Variants in ATP8B3 observed in about 807,000 individuals in gnomAD.
ATP8B3 encodes the protein phospholipid-transporting ATPase IK.
Under a neutral mutation model 140.9 loss-of-function variants are expected in ATP8B3, and 141 were observed. The observed-to-expected ratio is 1.00, with a 90% confidence interval of 0.87 to 1.15. The LOEUF (loss-of-function observed/expected upper bound fraction) is 1.15. ATP8B3 is among the 50% of genes most tolerant of loss of function. ATP8B3 has a pLI of 0.00. For synonymous variants in ATP8B3, 765 were observed against 714.6 expected (o/e 1.07, Z -1.13); for missense variants, 1,874 against 1,740.6 (o/e 1.08, Z -1.36).
Position 1,811,656 on chromosome 19 carries a change from G to A in ATP8B3, c.81C>T (p.Asp27=). ...EPSPAPPGPG[D]TGDSDVTQEG... ...CCTGAGTCACGTCTGAGTCACCCGT[G>A]TCCCCAGGTCCTGGTGGGGCAGGGC... The change falls in exon 2 of 29, where the codon GAC becomes GAT. Residue 27 remains aspartate (D), a synonymous_variant. Coordinates refer to ENST00000310127, the MANE Select transcript of ATP8B3 (RefSeq NM_138813.4). 1 of 1,610,662 alleles carries A rather than the reference G, an allele frequency of 6.2e-7. No homozygotes were observed.
chr19:1,806,832 G>A lies in ATP8B3; in HGVS notation c.616-143C>T. 3.1e-6 allele frequency: 3 copies of A among 969,734 alleles called. No homozygotes were observed. The highest frequency in any genetic ancestry group is 3.1e-6 in the Non-Finnish European group (2 of 643,390). 60.1% of individuals were successfully genotyped at this position (969,734 alleles called of 1,614,324 possible). On this transcript the variant is annotated intron_variant, in intron 6 of 28. Transcript: ENST00000310127. This position sits in a 1 kb window ranked among gnomAD's most constrained non-coding sequence, Gnocchi z 5.6. ...CCCCACGCCACGTTGCGTCTGCTCA[G>A]GGATCCCGGACGTGGGGGCCACTGG...
chr19:1,810,018 G>A (rs1239136562), intron 3 of ATP8B3, among the ~76,000 whole-genome samples: 1 of 152,252 alleles, frequency 6.6e-6, no homozygotes, highest in South Asian at 2.1e-4. Context: ...AGACCGTTCA[G>A]GCCTGTACAT....
At position 1,787,091 on chromosome 19, in the gene ATP8B3, T is replaced by G. The variant is rs2068329439; in HGVS notation, c.3153+12A>C. On this transcript the variant is annotated intron_variant, in intron 25 of 28. Coordinates refer to ENST00000310127, the MANE Select transcript of ATP8B3 (RefSeq NM_138813.4). ...GAGACCTGGAAGGAAGACCCGGCCT[T>G]GCCCTGCTCACCTGCTCAAAGAGCC... is the stretch of plus-strand genomic sequence containing the variant. 6.3e-7 allele frequency: 1 copy of G among 1,586,224 alleles called. No individual in the cohort carries two copies. The highest frequency in any genetic ancestry group is 1.8e-5 in the Admixed American group (1 of 56,296).
intron 26 of ATP8B3, 27 bp from the exon 27 acceptor site, chr19:1,785,324 C>T (rs370375634): frequency 2.3e-5 from 36 of 1,561,950 alleles, no homozygotes; most frequent in Admixed American, 1.9e-4. Context: ...GGGGTAAATC[C>T]GGGGCCTAGC....
Position 1,783,168 on chromosome 19 carries a change from A to G in ATP8B3, c.3763T>C (p.Ser1255Pro). The G allele has an allele frequency of 6.2e-7, 1 of 1,613,594 alleles. No homozygotes were observed. The highest frequency in any genetic ancestry group is 8.5e-7 in the Non-Finnish European group (1 of 1,179,788). ...AGGTTTGCATATCCCTCACGGTGGG[A>G]GAAAGCATAGCTGGAACGGCGGGCA... ...SRARRSSYAFSHREGYANLIT... is the reference protein window; with the variant it reads ...SRARRSSYAFPHREGYANLIT... Residue 1255 changes from serine to proline, a missense_variant, in exon 29 of 29, where the codon TCC becomes CCC. This residue lies in a region of ATP8B3 where 840 missense variants were observed against 760.9 expected (regional missense o/e 1.10). Coordinates refer to ENST00000310127, the MANE Select transcript of ATP8B3 (RefSeq NM_138813.4).
chr19:1,783,341 T>C (rs2068214385), intron 28 of ATP8B3, 71 bp from the exon 29 acceptor site: 10 of 1,525,326 alleles, frequency 6.6e-6, no homozygotes, highest in Admixed American at 2.0e-5. Context: ...GTCCCCCAAG[T>C]AGGAGAGGCA....
intron 25 of ATP8B3, among the ~76,000 whole-genome samples, chr19:1,786,083 G>C (rs539483268): frequency 6.6e-6 from 1 of 152,178 alleles, no homozygotes; most frequent in Non-Finnish European, 1.5e-5. Flanking sequence ...AGTGAGCTGT[G>C]ATCGCACCAC....
chr19:1,782,310 TC>T lies in ATP8B3; in HGVS notation c.*717del. Reference sequence around the variant, plus strand: ...ATGCTACGTCACTGCTGAACCCTGGTCCCCTCCGCAGAGGGCAATGACTGCT... The same window carrying T: ...ATGCTACGTCACTGCTGAACCCTGGTCCCTCCGCAGAGGGCAATGACTGCT... On this transcript the variant is annotated 3_prime_UTR_variant, in exon 29 of 29. Coordinates refer to ENST00000310127, the MANE Select transcript of ATP8B3 (RefSeq NM_138813.4). 1 of 349,816 alleles carries T rather than the reference TC, an allele frequency of 2.9e-6. No homozygotes were observed. Among genetic ancestry groups the T allele is most frequent in the Non-Finnish European group, 5.2e-6 (1 of 191,864 alleles). The allele number at this position is 349,816 out of a possible 1,614,324, so 21.7% of individuals were successfully genotyped here.
At chr19:1,792,253 TC>T in intron 18 of ATP8B3, 118 bp from the exon 19 acceptor site, 2 of 1,212,098 alleles carry the variant, frequency 1.7e-6, no homozygotes, top group Non-Finnish European at 2.2e-6. Context: ...GCCTGTTGCC[TC>T]CCCAGCCAAC....
In ATP8B3 at chr19:1,811,601, C is replaced by T. The variant is rs1235827494; in HGVS notation, c.136G>A (p.Gly46Ser). 1.2e-6 allele frequency: 2 copies of T among 1,612,330 alleles called. No individual in the cohort carries two copies. Among genetic ancestry groups the T allele is most frequent in the East Asian group, 2.2e-5 (1 of 44,880 alleles). ...EGSGPAGIRG[G>S]ETVIRAGMGD... ...ATCCCAGCTCTGATCACCGTCTCACCTCCGCGGATGCCAGCAGGACCTGAG... is the reference window on the plus strand; with the variant it reads ...ATCCCAGCTCTGATCACCGTCTCACTTCCGCGGATGCCAGCAGGACCTGAG... Residue 46 changes from glycine (G) to serine (S), a missense_variant, in exon 2 of 29, where the codon GGT (glycine) becomes AGT (serine). Coordinates refer to ENST00000310127, the MANE Select transcript of ATP8B3 (RefSeq NM_138813.4).
At chr19:1,810,824 C>T (rs1279400748) in intron 2 of ATP8B3, 141 bp from the exon 3 acceptor site, 14 of 744,158 alleles carry the variant, frequency 1.9e-5, no homozygotes, top group Non-Finnish European at 2.9e-5. Flanking sequence ...CCCCGCCAGG[C>T]TCTGAATGTC....
intron 25 of ATP8B3, among the ~76,000 whole-genome samples, chr19:1,786,857 G>A (rs1469507421): frequency 4.6e-5 from 7 of 151,938 alleles, no homozygotes; most frequent in African/African-American, 1.2e-4. Context: ...ACAGAGGCAC[G>A]GGGGCTCCAG....
intron 20 of ATP8B3, among the ~76,000 whole-genome samples, chr19:1,791,389 AT>A (rs34511191): frequency 0.47 from 64,139 of 135,084 alleles, 14,193 homozygotes; most frequent in East Asian, 0.67. Flanking sequence ...GAGTTGCAGC[AT>A]TTTTTTTTTT....
Position 1,810,699 on chromosome 19 carries a change from GC to G in ATP8B3, c.249-17del. 1 of 1,610,040 alleles carries G rather than the reference GC, an allele frequency of 6.2e-7. No individual in the cohort carries two copies. The highest frequency in any genetic ancestry group is 1.3e-5 in the African/African-American group (1 of 74,966). ...GCTGGTGGGGCTGTGGGAGAGAAGG[GC>G]CCCGGGTCACAGCAGTGACCCCAGC... On this transcript the variant is annotated splice_polypyrimidine_tract_variant and intron_variant, in intron 2 of 28. Transcript: ENST00000310127.
At chr19:1,786,382 A>C (rs1345560373) in intron 25 of ATP8B3, among the ~76,000 whole-genome samples, 1 of 152,054 alleles carries the variant, frequency 6.6e-6, no homozygotes, top group South Asian at 2.1e-4. Flanking sequence ...CCTGGCCAAC[A>C]TGGCGAAATC....
Position 1,796,722 on chromosome 19 carries a change from C to CG in ATP8B3, c.1741dup (p.Arg581ProfsTer2). 6.2e-7 allele frequency: 1 copy of CG among 1,610,426 alleles called. No homozygotes were observed. Among genetic ancestry groups the CG allele is most frequent in the African/African-American group, 1.3e-5 (1 of 75,028 alleles). On this transcript the variant is annotated frameshift_variant, in exon 16 of 29. Coordinates refer to ENST00000310127, the MANE Select transcript of ATP8B3 (RefSeq NM_138813.4). LOFTEE classifies it high-confidence loss of function. The stretch of plus-strand genomic sequence containing the variant: ...GTGGGTGGGCGCACCTGGGCGCTCA[C>CG]GGGGGCTCTCCCGCACCATCACCGT...
At position 1,806,008 on chromosome 19, in the gene ATP8B3, G is replaced by C. The variant is rs1038294943; in HGVS notation, c.751-50C>G. On this transcript the variant is annotated intron_variant, in intron 8 of 28. Transcript: ENST00000310127. This position sits in a 1 kb window ranked among gnomAD's most constrained non-coding sequence, Gnocchi z 5.6. The stretch of plus-strand genomic sequence containing the variant: ...TGCAAGAGGGGATGCAAGACAAATT[G>C]GGGGTGCGGCAGCCCTCCCCACCCT... 1 of 1,610,090 alleles carries C rather than the reference G, an allele frequency of 6.2e-7. No individual in the cohort carries two copies.
intron 28 of ATP8B3, among the ~76,000 whole-genome samples, chr19:1,783,968 G>A (rs1303785863): frequency 6.6e-6 from 1 of 152,130 alleles, no homozygotes; most frequent in Non-Finnish European, 1.5e-5. Flanking sequence ...TCAAAGTGCT[G>A]GGATTACAGG....
Position 1,800,017 on chromosome 19 carries a change from C to T in ATP8B3, c.1482G>A (p.Ser494=), listed in dbSNP as rs762455842. Residue 494 remains serine (S), a synonymous_variant, in exon 14 of 29, where the codon TCG becomes TCA. Coordinates refer to ENST00000310127, the MANE Select transcript of ATP8B3 (RefSeq NM_138813.4). The surrounding 1 kb of genome is among the most constrained non-coding windows in gnomAD (Gnocchi z 4.4). ...DHLGQVEYIF[S]DKTGTLTQNI... ...TCTGCGTGAGCGTGCCCGTCTTGTCCGAGAAGATGTATTCCACCTGGCCCA... is the reference window on the plus strand; with the variant it reads ...TCTGCGTGAGCGTGCCCGTCTTGTCTGAGAAGATGTATTCCACCTGGCCCA... 1.2e-5 allele frequency: 19 copies of T among 1,606,046 alleles called. No homozygotes were observed. Among genetic ancestry groups the T allele is most frequent in the East Asian group, 6.7e-5 (3 of 44,684 alleles).
Sources: gnomAD v4.1 joint callset for allele counts (sites outside exome capture counted in the v4.1 genomes callset) on GRCh38, gnomAD v4.1.1 for gene constraint, gnomAD v4.1.1 regional missense constraint, Gnocchi (gnomAD v3.1) non-coding constraint, MANE v1.5 for transcripts, NCBI Gene and HGNC (gene_info 2026-07-23, HGNC 2026-07-21) for gene names.